The following CNBD2 variants were observed in gnomAD, a reference collection of about 807,000 sequenced individuals.
CNBD2 encodes the protein cyclic nucleotide binding domain containing 2, also known as cyclic nucleotide-binding domain-containing protein 2.
CNBD2 carries 64 observed loss-of-function variants against 63.7 expected under a neutral mutation model. The observed-to-expected ratio is 1.00, with a 90% CI of 0.82 to 1.24. The LOEUF (loss-of-function observed/expected upper bound fraction) is 1.24, where lower values mean the gene tolerates loss of function less well. CNBD2 is among the 50% of genes most tolerant of loss of function. CNBD2 has a pLI of 0.00. For missense variants in CNBD2, 691 were observed against 713.5 expected (o/e 0.97, Z 0.36); for synonymous variants, 229 against 255.4 (o/e 0.90, Z 0.99).
At chr20:35,981,436 T>C (rs896751517) in intron 4 of CNBD2, among the ~76,000 whole-genome samples, 3 of 152,038 alleles carry the variant, frequency 2.0e-5, no homozygotes, top group Non-Finnish European at 1.5e-5. Flanking sequence ...CTTTATTCTT[T>C]TTATTATTAT....
At chr20:36,028,383 C>T (rs1478413004) in intron 11 of CNBD2, among the ~76,000 whole-genome samples, 2 of 152,096 alleles carry the variant, frequency 1.3e-5, no homozygotes, top group African/African-American at 2.4e-5. Context: ...ACTGCTAAAA[C>T]AGGCAGAAAA....
intron 1 of CNBD2, 120 bp downstream of exon 1, chr20:35,968,933 T>C: frequency 8.3e-6 from 6 of 726,242 alleles, no homozygotes; most frequent in Non-Finnish European, 2.3e-6. Flanking sequence ...CCTGTACCTT[T>C]TGGAGTCACA....
At chr20:35,976,116 T>C in intron 3 of CNBD2, 114 bp downstream of exon 3, 2 of 876,694 alleles carry the variant, frequency 2.3e-6, no homozygotes, top group Non-Finnish European at 3.7e-6. Context: ...TGCCACCAAC[T>C]CAGCTTGTCA....
intron 10 of CNBD2, among the ~76,000 whole-genome samples, chr20:36,020,853 T>A (rs1333034273): frequency 6.6e-6 from 1 of 152,082 alleles, no homozygotes. Flanking sequence ...CCATCTCGTG[T>A]AGACCCTCAG....
At chr20:35,954,501 G>C (rs1157571129), upstream of CNBD2, 1 of 1,539,412 alleles carries the variant, frequency 6.5e-7, no homozygotes, top group Admixed American at 2.0e-5. Flanking sequence ...TGGCTTCTCT[G>C]CGTCCAGGTC....
downstream of CNBD2, chr20:35,959,519 G>A (rs1241725251): frequency 6.6e-6 from 1 of 152,084 alleles, no homozygotes; most frequent in Admixed American, 6.6e-5. Context: ...AAGTGAAAGG[G>A]GTTTCCCCTT....
At chr20:35,987,059 G>C (rs538470186) in intron 6 of CNBD2, among the ~76,000 whole-genome samples, 137 of 151,466 alleles carry the variant, frequency 9.0e-4, no homozygotes, top group Non-Finnish European at 1.8e-3. Context: ...CATGAGCCAC[G>C]GTGGGGAGGG....
intron 10 of CNBD2, among the ~76,000 whole-genome samples, chr20:36,012,929 G>C (rs781360291): frequency 6.6e-6 from 1 of 151,438 alleles, no homozygotes; most frequent in Non-Finnish European, 1.5e-5. Context: ...AAACACTATA[G>C]AGATAGTAAA....
In CNBD2 at chr20:36,030,354, T is replaced by C. The variant is rs1286077773; in HGVS notation, c.1440-3T>C. 1.2e-6 allele frequency: 2 copies of C among 1,613,948 alleles called. No homozygotes were observed. The highest frequency in any genetic ancestry group is 1.1e-5 in the South Asian group (1 of 91,066). On this transcript the variant is annotated splice_polypyrimidine_tract_variant and splice_region_variant and intron_variant, in intron 11 of 11. Transcript: ENST00000373973. ...AACCTCGGCTTCTGTGCCTGCCCTT[T>C]AGTGATGAAGATATGTGCCAGAAGT...
chr20:35,961,273 GC>G (rs746467943), intron 2 of CNBD2, among the ~76,000 whole-genome samples: 18 of 152,184 alleles, frequency 1.2e-4, no homozygotes, highest in Non-Finnish European at 2.6e-4. Context: ...TCCTTCATTT[GC>G]TTTTTGCAGT....
upstream of CNBD2, among the ~76,000 whole-genome samples, chr20:35,965,113 CT>C (rs1365321354): frequency 6.6e-6 from 1 of 151,936 alleles, no homozygotes; most frequent in African/African-American, 2.4e-5. Context: ...CCTTCATATG[CT>C]TTGTAAGCAT....
intron 7 of CNBD2, among the ~76,000 whole-genome samples, chr20:35,990,126 C>T (rs1339442735): frequency 2.0e-5 from 3 of 152,080 alleles, no homozygotes; most frequent in Non-Finnish European, 4.4e-5. Context: ...CATTCAGTGA[C>T]CTCATGTTGG....
Position 35,975,942 on chromosome 20 carries a change from C to A in CNBD2, c.190-7C>A, listed in dbSNP as rs1339985533. 1 of 1,612,412 alleles carries A rather than the reference C, an allele frequency of 6.2e-7. No homozygotes were observed. Among genetic ancestry groups the A allele is most frequent in the African/African-American group, 1.3e-5 (1 of 74,916 alleles). On this transcript the variant is annotated splice_polypyrimidine_tract_variant and splice_region_variant and intron_variant, in intron 2 of 11. Transcript: ENST00000373973. The stretch of plus-strand genomic sequence containing the variant: ...TCTCCCTCTTCTCCCTGCCCTCTTT[C>A]TTTCAGAAAAAGATGCAAAGCCGAG...
downstream of CNBD2, among the ~76,000 whole-genome samples, chr20:35,956,824 G>T (rs559630165): frequency 6.6e-6 from 1 of 152,276 alleles, no homozygotes; most frequent in Admixed American, 6.5e-5. Flanking sequence ...AACAAAATGG[G>T]TGGGGCTCAG....
chr20:35,981,448 A>T (rs555440302), intron 4 of CNBD2, among the ~76,000 whole-genome samples: 212 of 151,726 alleles, frequency 1.4e-3, no homozygotes, highest in Non-Finnish European at 2.3e-3. Flanking sequence ...TATTATTATT[A>T]TTTTTTGAGA....
intron 11 of CNBD2, among the ~76,000 whole-genome samples, chr20:36,024,427 G>C (rs138030625): frequency 8.1e-4 from 119 of 147,364 alleles, no homozygotes; most frequent in African/African-American, 2.9e-3. Flanking sequence ...TCAGGAGTTT[G>C]AGACCAGGCT....
At chr20:36,019,750 C>T (rs1466614424) in intron 10 of CNBD2, among the ~76,000 whole-genome samples, 1 of 151,880 alleles carries the variant, frequency 6.6e-6, no homozygotes, top group Admixed American at 6.6e-5. Flanking sequence ...AGGCCTTAGG[C>T]GGCATGAGAT....
At chr20:36,001,786 A>G (rs2056911887) in intron 8 of CNBD2, among the ~76,000 whole-genome samples, 1 of 143,074 alleles carries the variant, frequency 7.0e-6, no homozygotes, top group Non-Finnish European at 1.5e-5. Flanking sequence ...CGCTCCCCAC[A>G]TCTCAGACGA....
chr20:35,990,377 T>A (rs2056728702), intron 7 of CNBD2, among the ~76,000 whole-genome samples: 1 of 152,236 alleles, frequency 6.6e-6, no homozygotes, highest in African/African-American at 2.4e-5. Flanking sequence ...ACACCTGTAA[T>A]CCTAGCACTT....
Sources: allele counts gnomAD v4.1 joint callset (sites outside exome capture counted in the v4.1 genomes callset), GRCh38; gene constraint gnomAD v4.1.1; transcripts MANE v1.5; gene names NCBI Gene and HGNC (gene_info 2026-07-23, HGNC 2026-07-21).